The following AKR1C8 variants were observed in gnomAD, a reference collection of about 807,000 sequenced individuals.
AKR1C8 encodes the protein aldo-keto reductase family 1 member C8.
the AKR1C8 span, among the ~76,000 whole-genome samples, chr10:5,151,154 G>C: frequency 1.3e-5 from 2 of 152,162 alleles, no homozygotes; most frequent in Non-Finnish European, 2.9e-5. Context: ...GGTGGCACCA[G>C]CTGATCTATC....
chr10:5,123,619 A>T, the AKR1C8 span: 1 of 1,206,212 alleles, frequency 8.3e-7, no homozygotes, highest in Non-Finnish European at 1.2e-6. Context: ...ACCCTAACTC[A>T]CTGAGAGTAA....
chr10:5,127,246 A>C, the AKR1C8 span, among the ~76,000 whole-genome samples: 2 of 152,188 alleles, frequency 1.3e-5, no homozygotes, highest in South Asian at 2.1e-4. Flanking sequence ...TATAAATGAA[A>C]AATTTTCCAG....
chr10:5,161,258 G>A, the AKR1C8 span, among the ~76,000 whole-genome samples: 331 of 151,910 alleles, frequency 2.2e-3, 1 homozygote, highest in Non-Finnish European at 3.8e-3. Flanking sequence ...CTGGTGTGGA[G>A]GACAGTGCTT....
chr10:5,156,839 CTT>C, the AKR1C8 span, among the ~76,000 whole-genome samples: 3 of 152,118 alleles, frequency 2.0e-5, no homozygotes, highest in African/African-American at 7.2e-5. Flanking sequence ...AATGTCATCT[CTT>C]GTAAATATTA....
chr10:5,177,448 G>A, the AKR1C8 span, among the ~76,000 whole-genome samples: 1 of 151,866 alleles, frequency 6.6e-6, no homozygotes, highest in East Asian at 1.9e-4. Flanking sequence ...CTCTTTTTTT[G>A]TTGTGTCTCT....
the AKR1C8 span, among the ~76,000 whole-genome samples, chr10:5,146,677 A>G: frequency 0.033 from 5,033 of 152,090 alleles, 283 homozygotes; most frequent in African/African-American, 0.12. Flanking sequence ...AACCCACTCT[A>G]TGGGTTGTCT....
At chr10:5,173,965 C>T in the AKR1C8 span, among the ~76,000 whole-genome samples, 1 of 151,972 alleles carries the variant, frequency 6.6e-6, no homozygotes, top group Non-Finnish European at 1.5e-5. Context: ...CCTGAGACTC[C>T]TTTGGAAATA....
chr10:5,141,625 G>A, the AKR1C8 span, among the ~76,000 whole-genome samples: 1 of 152,132 alleles, frequency 6.6e-6, no homozygotes, highest in South Asian at 2.1e-4. Flanking sequence ...TATTGTGAAA[G>A]CAGTCATAAA....
At chr10:5,121,680 T>C in the AKR1C8 span, among the ~76,000 whole-genome samples, 4 of 152,158 alleles carry the variant, frequency 2.6e-5, no homozygotes. Flanking sequence ...AATTATGTCT[T>C]ACGTTGCCTC....
the AKR1C8 span, among the ~76,000 whole-genome samples, chr10:5,167,702 C>T: frequency 0.53 from 79,624 of 151,612 alleles, 21,885 homozygotes; most frequent in Non-Finnish European, 0.6. Flanking sequence ...CTGGATGCAG[C>T]ACACCAACAT....
At chr10:5,154,779 CCTCT>C in the AKR1C8 span, 3 of 152,318 alleles carry the variant, frequency 2.0e-5, no homozygotes, top group African/African-American at 7.2e-5. Context: ...CCTCTAAACT[CCTCT>C]CTATTTAGCC....
the AKR1C8 span, among the ~76,000 whole-genome samples, chr10:5,116,759 A>C: frequency 7.2e-5 from 11 of 152,174 alleles, no homozygotes; most frequent in Non-Finnish European, 1.0e-4. Context: ...TCAGGGATGT[A>C]GGACATCAAA....
chr10:5,144,772 T>A, the AKR1C8 span, among the ~76,000 whole-genome samples: 1 of 152,092 alleles, frequency 6.6e-6, no homozygotes, highest in Non-Finnish European at 1.5e-5. Flanking sequence ...GATTTTGGGC[T>A]GAGACAATGG....
chr10:5,123,869 G>A, the AKR1C8 span: 45 of 1,545,538 alleles, frequency 2.9e-5, no homozygotes, highest in East Asian at 6.9e-5. Context: ...AAACAGTTAT[G>A]TTAATATAAA....
At chr10:5,138,134 A>G in the AKR1C8 span, among the ~76,000 whole-genome samples, 15 of 152,032 alleles carry the variant, frequency 9.9e-5, no homozygotes, top group African/African-American at 3.6e-4. Flanking sequence ...TCGAAAGCAG[A>G]GAACTGGTCT....
chr10:5,156,990 G>GTT, the AKR1C8 span, among the ~76,000 whole-genome samples: 7 of 152,162 alleles, frequency 4.6e-5, no homozygotes, highest in Non-Finnish European at 1.0e-4. Flanking sequence ...GTGGAGAAGG[G>GTT]TTTACAAGAT....
At chr10:5,180,599 G>A in the AKR1C8 span, among the ~76,000 whole-genome samples, 1 of 152,230 alleles carries the variant, frequency 6.6e-6, no homozygotes, top group African/African-American at 2.4e-5. Context: ...AGAGAGGCAG[G>A]CAGGCCTCCT....
At chr10:5,150,159 A>C in the AKR1C8 span, among the ~76,000 whole-genome samples, 1 of 152,142 alleles carries the variant, frequency 6.6e-6, no homozygotes, top group Non-Finnish European at 1.5e-5. Flanking sequence ...CCAATGGCAC[A>C]ATTTCCATGG....
chr10:5,122,108 A>G, the AKR1C8 span: 230 of 366,998 alleles, frequency 6.3e-4, 2 homozygotes, highest in African/African-American at 4.8e-3. Flanking sequence ...CATGTCGGAG[A>G]TTTCCGTTGA....
Sources: allele counts gnomAD v4.1 joint callset (sites outside exome capture counted in the v4.1 genomes callset), GRCh38; gene constraint gnomAD v4.1.1; transcripts MANE v1.5; gene names NCBI Gene and HGNC (gene_info 2026-07-23, HGNC 2026-07-21).